Variants in CNTNAP2 observed in about 807,000 individuals in gnomAD.
CNTNAP2 encodes the protein contactin-associated protein-like 2.
CNTNAP2 carries 98 observed loss-of-function variants against 155.2 expected under a neutral mutation model. The observed-to-expected ratio is 0.63, with a 90% CI of 0.54 to 0.75. CNTNAP2 has a LOEUF of 0.75. Ranked by LOEUF, CNTNAP2 falls within the 30% of genes least tolerant of loss-of-function variation. The pLI is 0.00. For missense variants in CNTNAP2, 1,727 were observed against 1,688.1 expected (o/e 1.02, Z -0.40); for synonymous variants, 651 against 631.2 (o/e 1.03, Z -0.47).
At chr7:147,981,786 GGTGT>G (rs57272792) in intron 15 of CNTNAP2, among the ~76,000 whole-genome samples, 124 of 143,666 alleles carry the variant, frequency 8.6e-4, no homozygotes, top group African/African-American at 9.3e-4. Flanking sequence ...TGTCCTTACA[GGTGT>G]GTGTGTGTGT....
intron 2 of CNTNAP2, among the ~76,000 whole-genome samples, chr7:146,799,177 T>C (rs1481072623): frequency 1.3e-5 from 2 of 152,174 alleles, no homozygotes; most frequent in East Asian, 1.9e-4. Flanking sequence ...TTTCTTTGAG[T>C]TGCTTTCTTT....
chr7:148,238,617 G>A (rs1156790668), intron 20 of CNTNAP2, among the ~76,000 whole-genome samples: 2 of 152,118 alleles, frequency 1.3e-5, no homozygotes, highest in East Asian at 3.8e-4. Context: ...GTTTCGTAGG[G>A]GGTCATAAAA....
chr7:147,745,670 G>A (rs148720310), intron 13 of CNTNAP2, among the ~76,000 whole-genome samples: 102 of 152,252 alleles, frequency 6.7e-4, no homozygotes, highest in African/African-American at 2.4e-3. Flanking sequence ...TGACTATAAT[G>A]AAGTCAGCAT....
intron 13 of CNTNAP2, among the ~76,000 whole-genome samples, chr7:147,738,650 C>CTTTT (rs111611444): frequency 3.5e-5 from 2 of 57,542 alleles, no homozygotes; most frequent in African/African-American, 6.5e-5. Flanking sequence ...GTAAACATAA[C>CTTTT]TTTTTTTTTT....
At chr7:146,654,568 A>C (rs1224044848) in intron 1 of CNTNAP2, among the ~76,000 whole-genome samples, 2 of 152,200 alleles carry the variant, frequency 1.3e-5, no homozygotes, top group Non-Finnish European at 2.9e-5. Context: ...ATATACAGAA[A>C]TAGTCAAAAA....
rs184923193 is a variant in CNTNAP2 at position 147,137,170 on chromosome 7, A to T, written c.1348+4661A>T. ...TGAAAACAAACTACTGAAAATGGAC[A>T]TGTGATTTTAAAGAGTGTATTTTTA... On this transcript the variant is annotated intron_variant, in intron 8 of 23. Coordinates refer to ENST00000361727, the MANE Select transcript of CNTNAP2 (RefSeq NM_014141.6). Among the ~76,000 whole-genome samples the T allele has an allele frequency of 9.6e-4, 145 of 151,606 alleles. 1 individual carries two copies. The highest frequency in any genetic ancestry group is 7.1e-4 in the Non-Finnish European group (48 of 67,712).
intron 1 of CNTNAP2, among the ~76,000 whole-genome samples, chr7:146,481,266 A>G (rs892028199): frequency 2.4e-4 from 37 of 152,126 alleles, no homozygotes; most frequent in African/African-American, 8.7e-4. Flanking sequence ...TTTTATTTAC[A>G]TTTTACTTAT....
intron 13 of CNTNAP2, among the ~76,000 whole-genome samples, chr7:147,800,514 T>G (rs1384250974): frequency 6.6e-6 from 1 of 152,112 alleles, no homozygotes; most frequent in Non-Finnish European, 1.5e-5. Flanking sequence ...AAGACTCCTT[T>G]GAAGGACACG....
chr7:146,620,451 C>T (rs964345482), intron 1 of CNTNAP2, among the ~76,000 whole-genome samples: 3 of 152,098 alleles, frequency 2.0e-5, no homozygotes, highest in African/African-American at 7.2e-5. Context: ...AATCCCAAAG[C>T]ATTTCTTTAA....
chr7:147,862,319 C>G (rs956720117), intron 13 of CNTNAP2, among the ~76,000 whole-genome samples: 3 of 152,162 alleles, frequency 2.0e-5, no homozygotes, highest in African/African-American at 7.2e-5. Flanking sequence ...TCAATTTCAA[C>G]CATTCCCCCG....
chr7:146,929,361 G>A (rs1796693220), intron 3 of CNTNAP2, among the ~76,000 whole-genome samples: 1 of 152,168 alleles, frequency 6.6e-6, no homozygotes, highest in Non-Finnish European at 1.5e-5. Context: ...AACTCCAACA[G>A]GCCTGCAGCT....
chr7:147,875,243 A>G (rs1799403467), intron 13 of CNTNAP2, among the ~76,000 whole-genome samples: 1 of 152,194 alleles, frequency 6.6e-6, no homozygotes, highest in Admixed American at 6.5e-5. Flanking sequence ...GTAATTTATA[A>G]AGGAAAGAGG....
At chr7:148,089,168 A>T (rs556585642) in intron 15 of CNTNAP2, among the ~76,000 whole-genome samples, 1 of 152,044 alleles carries the variant, frequency 6.6e-6, no homozygotes, top group Non-Finnish European at 1.5e-5. Flanking sequence ...CACAATAAAG[A>T]GCACATACAA....
chr7:146,266,725 G>A (rs561638740), intron 1 of CNTNAP2, among the ~76,000 whole-genome samples: 98 of 152,244 alleles, frequency 6.4e-4, no homozygotes, highest in South Asian at 4.1e-3. Context: ...AGGAGGAGCT[G>A]ACAGGGCTGC....
intron 3 of CNTNAP2, among the ~76,000 whole-genome samples, chr7:146,862,778 T>G (rs1795130065): frequency 6.6e-6 from 1 of 152,242 alleles, no homozygotes; most frequent in Non-Finnish European, 1.5e-5. Flanking sequence ...TTTGCACTTG[T>G]GTGCAGCCAG....
At chr7:147,556,311 A>T (rs1010191095) in intron 11 of CNTNAP2, among the ~76,000 whole-genome samples, 1 of 152,078 alleles carries the variant, frequency 6.6e-6, no homozygotes, top group East Asian at 1.9e-4. Context: ...TATTATTTCC[A>T]TACATTATTT....
chr7:146,196,770 A>G (rs185676718), intron 1 of CNTNAP2, among the ~76,000 whole-genome samples: 2 of 152,260 alleles, frequency 1.3e-5, no homozygotes, highest in Admixed American at 6.5e-5. Flanking sequence ...ACATAGAAAG[A>G]AACATATGCA....
At chr7:146,621,591 A>G (rs74901236) in intron 1 of CNTNAP2, among the ~76,000 whole-genome samples, 9,513 of 152,190 alleles carry the variant, frequency 0.063, 448 homozygotes, top group African/African-American at 0.12. Flanking sequence ...TGTTTTTCTC[A>G]TGATTAGACT....
chr7:146,906,779 G>C (rs1260477966), intron 3 of CNTNAP2, among the ~76,000 whole-genome samples: 2 of 152,104 alleles, frequency 1.3e-5, no homozygotes, highest in East Asian at 3.9e-4. Flanking sequence ...CTCCTCACCA[G>C]CAACGGAACA....
Sources: gnomAD v4.1 joint callset for allele counts (sites outside exome capture counted in the v4.1 genomes callset) on GRCh38, gnomAD v4.1.1 for gene constraint, MANE v1.5 for transcripts, NCBI Gene and HGNC (gene_info 2026-07-23, HGNC 2026-07-21) for gene names.